Variants in SYK observed in about 807,000 individuals in gnomAD.
SYK encodes the protein tyrosine-protein kinase SYK.
SYK carries 16 observed loss-of-function variants against 77.8 expected under a neutral mutation model. The observed-to-expected ratio is 0.21, with a 90% CI of 0.14 to 0.31. SYK has a LOEUF of 0.31. Among genes scored for constraint, SYK ranks in the 10% least tolerant of loss-of-function variants. SYK has a pLI of 1.00. For missense variants in SYK, 529 were observed against 814.4 expected (o/e 0.65, Z 4.26); for synonymous variants, 312 against 308.7 (o/e 1.01, Z -0.11).
intron 3 of SYK, among the ~76,000 whole-genome samples, chr9:90,859,265 T>TTG (rs1314482420): frequency 6.6e-6 from 1 of 152,242 alleles, no homozygotes; most frequent in Admixed American, 6.5e-5. Context: ...TCCTGAACTC[T>TTG]TGTGTTCATC....
chr9:90,884,472 TATAC>T lies in SYK; in HGVS notation c.1582-3271_1582-3268del, dbSNP rs1564121199. 4.8e-5 allele frequency among the ~76,000 whole-genome samples: 2 copies of T among 41,696 alleles called. 1 individual carries two copies. The highest frequency in any genetic ancestry group is 4.8e-4 in the African/African-American group (2 of 4,160). 27.4% of individuals were successfully genotyped at this position (41,696 alleles called of 152,430 possible). A position where few individuals can be genotyped will look rare whatever the true frequency, so the allele number is the denominator to read the frequency against. On this transcript the variant is annotated intron_variant, in intron 11 of 13. Transcript: ENST00000375754. Reference sequence around the variant, plus strand: ...ATACACATACACATATGTGTGTACATATACATACACACACATACACATATGTGTA... The same window carrying T: ...ATACACATACACATATGTGTGTACATATACACACACATACACATATGTGTA...
Position 90,845,479 on chromosome 9 carries a change from G to C in SYK, c.463G>C (p.Glu155Gln). The C allele has an allele frequency of 6.2e-7, 1 of 1,614,176 alleles. No individual in the cohort carries two copies. The highest frequency in any genetic ancestry group is 1.7e-5 in the Admixed American group (1 of 60,008). Residue 155 changes from glutamate to glutamine, a missense_variant, in exon 3 of 14, where the codon GAG (glutamate) becomes CAG (glutamine). Physicochemically the swap from Glu to Gln is conservative, Grantham distance 29. Around this residue, in one of 2 missense-constraint regions of SYK, gnomAD observed 321 missense variants for 433.1 expected, o/e 0.74. Transcript: ENST00000375754. ...CATCATCAGTCAGAAGCCTCAGCTGGAGAAGCTGATCGCTACCACAGCCCA... is the reference window on the plus strand; with the variant it reads ...CATCATCAGTCAGAAGCCTCAGCTGCAGAAGCTGATCGCTACCACAGCCCA... ...QAIISQKPQL[E>Q]KLIATTAHEK...
At position 90,874,390 on chromosome 9, in the gene SYK, T is replaced by C. The variant is rs964667894; in HGVS notation, c.1003+99T>C. 3 of 1,209,948 alleles carry C rather than the reference T, an allele frequency of 2.5e-6. No individual in the cohort carries two copies. In the East Asian group the frequency reaches 7.2e-5, roughly 29 times the overall value. The allele number at this position is 1,209,948 out of a possible 1,614,324, so 75.0% of individuals were successfully genotyped here. Reference sequence around the variant, plus strand: ...TCACGAATCCACACCACGTCCGTGATTGCAATACAGCCACAGTTAGCCATG... The same window carrying C: ...TCACGAATCCACACCACGTCCGTGACTGCAATACAGCCACAGTTAGCCATG... On this transcript the variant is annotated intron_variant, in intron 8 of 13. Transcript: ENST00000375754.
intron 1 of SYK, among the ~76,000 whole-genome samples, chr9:90,815,030 T>G (rs1825239660): frequency 6.6e-6 from 1 of 151,922 alleles, no homozygotes; most frequent in African/African-American, 2.4e-5. Flanking sequence ...ACAAACCAGG[T>G]TTTTGCTCAA....
chr9:90,867,646 C>G (rs1189566496), intron 7 of SYK, among the ~76,000 whole-genome samples: 1 of 152,150 alleles, frequency 6.6e-6, no homozygotes, highest in Non-Finnish European at 1.5e-5. Context: ...ACAGTGAGGT[C>G]AGGCAGTGCA....
At chr9:90,801,690 T>C (rs1414644362), upstream of SYK, 1 of 152,202 alleles carries the variant, frequency 6.6e-6, no homozygotes, top group Non-Finnish European at 1.5e-5. Flanking sequence ...TCCGGGCTCA[T>C]GGGCGCGGTC....
chr9:90,839,608 A>G (rs989029732), intron 1 of SYK, among the ~76,000 whole-genome samples: 2 of 152,160 alleles, frequency 1.3e-5, no homozygotes, highest in Non-Finnish European at 2.9e-5. Flanking sequence ...GAATTTTTAA[A>G]ATAGTAGCTA....
intron 1 of SYK, among the ~76,000 whole-genome samples, chr9:90,837,851 C>A (rs1443833201): frequency 1.3e-5 from 2 of 152,242 alleles, no homozygotes; most frequent in African/African-American, 4.8e-5. Flanking sequence ...GATTCTCCAT[C>A]CCTGTGACTG....
chr9:90,849,126 G>A (rs956245102), intron 3 of SYK, among the ~76,000 whole-genome samples: 8 of 152,212 alleles, frequency 5.3e-5, no homozygotes, highest in Non-Finnish European at 7.3e-5. Context: ...AGTTGGGGGG[G>A]CTGTCTTTAG....
In SYK at chr9:90,841,326, GT is replaced by G. The variant is rs529521858; in HGVS notation, c.-41-2530del. Among the ~76,000 whole-genome samples, 18 of 146,950 alleles carry G rather than the reference GT, an allele frequency of 1.2e-4. No individual in the cohort carries two copies. The East Asian group carries it at 3.4e-3, about 27-fold the overall frequency. ...GTAGTTTGTGTGCTGCACGTAGTGTGTTGTGTGTACTGTGTATGTAGTTTGT... is the reference window on the plus strand; with the variant it reads ...GTAGTTTGTGTGCTGCACGTAGTGTGTGTGTGTACTGTGTATGTAGTTTGT... On this transcript the variant is annotated intron_variant, in intron 1 of 13. Coordinates refer to ENST00000375754, the MANE Select transcript of SYK (RefSeq NM_003177.7).
rs1824687547 is a variant in SYK, at chr9:90,803,404, C to G, written c.-42+1511C>G. 2.6e-5 allele frequency among the ~76,000 whole-genome samples: 4 copies of G among 151,910 alleles called. No homozygotes were observed. In the South Asian group the frequency reaches 8.3e-4, roughly 32 times the overall value. The stretch of plus-strand genomic sequence containing the variant: ...TGTGGGAAGATTTTTTTTTAAGCCT[C>G]TGTATTTGAAGTGAAATATAAAATA... On this transcript the variant is annotated intron_variant, in intron 1 of 13. Coordinates refer to ENST00000375754, the MANE Select transcript of SYK (RefSeq NM_003177.7).
chr9:90,834,892 C>T (rs1826014172), intron 1 of SYK, among the ~76,000 whole-genome samples: 2 of 152,190 alleles, frequency 1.3e-5, no homozygotes, highest in Admixed American at 1.3e-4. Flanking sequence ...ATGGGCACAT[C>T]AGATTTGTGT....
intron 13 of SYK, among the ~76,000 whole-genome samples, chr9:90,894,316 G>C (rs1587932905): frequency 6.6e-6 from 1 of 152,218 alleles, no homozygotes; most frequent in Non-Finnish European, 1.5e-5. Context: ...TTGGTGGCCA[G>C]AGACAAAGCC....
At chr9:90,834,529 AC>A (rs1826003338) in intron 1 of SYK, among the ~76,000 whole-genome samples, 1 of 151,970 alleles carries the variant, frequency 6.6e-6, no homozygotes, top group African/African-American at 2.4e-5. Flanking sequence ...CAGTGGAACC[AC>A]CTCCACGGGG....
Position 90,878,764 on chromosome 9 carries a change from A to G in SYK, c.1392A>G (p.Arg464=). Residue 464 remains arginine (R), a splice_region_variant and synonymous_variant, in exon 11 of 14, where the codon AGA becomes AGG. Transcript: ENST00000375754. ...CTGATGAGATCATTATGACTTTCAG[A>G]CATGTCAAGGATAAGAACATCATAG... ...GPLNKYLQQN[R]HVKDKNIIEL... 6.2e-7 allele frequency: 1 copy of G among 1,601,686 alleles called. No homozygotes were observed. The highest frequency in any genetic ancestry group is 1.3e-5 in the African/African-American group (1 of 74,912).
intron 2 of SYK, among the ~76,000 whole-genome samples, chr9:90,845,139 C>T (rs1476335167): frequency 6.6e-6 from 1 of 152,008 alleles, no homozygotes; most frequent in Non-Finnish European, 1.5e-5. Flanking sequence ...TTTCACCATG[C>T]TGGCCAGGCT....
chr9:90,819,870 C>T (rs1369155510), intron 1 of SYK, among the ~76,000 whole-genome samples: 1 of 152,216 alleles, frequency 6.6e-6, no homozygotes, highest in East Asian at 1.9e-4. Context: ...AGGCAAGTCC[C>T]TTCCATCTCT....
chr9:90,824,531 T>A (rs1825611000), intron 1 of SYK, among the ~76,000 whole-genome samples: 1 of 152,176 alleles, frequency 6.6e-6, no homozygotes, highest in Admixed American at 6.5e-5. Flanking sequence ...CACAGCCAAG[T>A]GGAATTTATT....
intron 11 of SYK, among the ~76,000 whole-genome samples, chr9:90,885,538 G>C (rs1408535530): frequency 6.6e-6 from 1 of 152,192 alleles, no homozygotes; most frequent in African/African-American, 2.4e-5. Flanking sequence ...ATATGGGGCA[G>C]TGTAAAGCAA....
Sources: gnomAD v4.1 joint callset for allele counts (sites outside exome capture counted in the v4.1 genomes callset) on GRCh38, gnomAD v4.1.1 for gene constraint, gnomAD v4.1.1 regional missense constraint, MANE v1.5 for transcripts, NCBI Gene and HGNC (gene_info 2026-07-23, HGNC 2026-07-21) for gene names.